The following ELOVL6 variants were observed in gnomAD, a reference collection of about 807,000 sequenced individuals.
ELOVL6 encodes ELOVL fatty acid elongase 6.
ELOVL6 carries 8 observed loss-of-function variants against 31.7 expected under a neutral mutation model. The ratio of observed to expected loss-of-function variants is 0.25; its 90% CI spans 0.15 to 0.45. The LOEUF is 0.45. Among genes scored for constraint, ELOVL6 ranks in the 20% least tolerant of loss-of-function variants. The pLI, the probability that ELOVL6 is intolerant of heterozygous loss-of-function variation, is 1.00. For synonymous variants in ELOVL6, 101 were observed against 117.7 expected (o/e 0.86, Z 0.92); for missense variants, 126 against 326.4 (o/e 0.39, Z 4.73).
At chr4:110,108,401 C>G (rs754375271) in intron 1 of ELOVL6, among the ~76,000 whole-genome samples, 18 of 152,136 alleles carry the variant, frequency 1.2e-4, no homozygotes, top group Middle Eastern at 3.4e-3. Flanking sequence ...AAAAATCTTC[C>G]CTATGTATTT....
At chr4:110,158,657 A>ATATATATATATATATATCTATATTT in intron 1 of ELOVL6, among the ~76,000 whole-genome samples, 1 of 74,162 alleles carries the variant, frequency 1.3e-5, no homozygotes, top group Non-Finnish European at 2.3e-5. Flanking sequence ...ATATATATAT[A>ATATATATATATATATATCTATATTT]TTTTTTTTTT....
chr4:110,178,393 T>C (rs900928357), intron 1 of ELOVL6, among the ~76,000 whole-genome samples: 1 of 151,656 alleles, frequency 6.6e-6, no homozygotes, highest in African/African-American at 2.4e-5. Context: ...TAAAAAAAAA[T>C]TAGCCGAGTG....
chr4:110,158,027 G>A (rs191759488), intron 1 of ELOVL6, among the ~76,000 whole-genome samples: 2 of 152,196 alleles, frequency 1.3e-5, no homozygotes, highest in Admixed American at 1.3e-4. Flanking sequence ...ATAAACCAAA[G>A]TTCATGGATA....
intron 1 of ELOVL6, among the ~76,000 whole-genome samples, chr4:110,139,113 G>C (rs1757885011): frequency 6.6e-6 from 1 of 151,892 alleles, no homozygotes; most frequent in African/African-American, 2.4e-5. Flanking sequence ...GGTATTATGG[G>C]GGATTAGCAT....
intron 1 of ELOVL6, among the ~76,000 whole-genome samples, chr4:110,121,036 G>T (rs1757343368): frequency 6.6e-6 from 1 of 151,984 alleles, no homozygotes; most frequent in Non-Finnish European, 1.5e-5. Context: ...CCTGACCTCA[G>T]GTGATCCACC....
intron 1 of ELOVL6, among the ~76,000 whole-genome samples, chr4:110,179,320 C>T (rs1264427018): frequency 6.6e-6 from 1 of 151,850 alleles, no homozygotes; most frequent in African/African-American, 2.4e-5. Context: ...GCCTGGCCAA[C>T]ATGGTGAAAC....
At chr4:110,175,581 C>T (rs112816414) in intron 1 of ELOVL6, among the ~76,000 whole-genome samples, 1,698 of 152,254 alleles carry the variant, frequency 0.011, 16 homozygotes, top group Non-Finnish European at 0.018. Context: ...TATATTAACT[C>T]ATTTAATCAA....
At chr4:110,070,107 T>C (rs1248011329) in intron 2 of ELOVL6, among the ~76,000 whole-genome samples, 2 of 152,220 alleles carry the variant, frequency 1.3e-5, no homozygotes, top group Non-Finnish European at 2.9e-5. Flanking sequence ...TATGCTTTCT[T>C]CCCTTGCCTT....
intron 1 of ELOVL6, among the ~76,000 whole-genome samples, chr4:110,107,576 T>C (rs10027629): frequency 0.18 from 27,930 of 152,164 alleles, 3,247 homozygotes; most frequent in East Asian, 0.41. Context: ...CTTTAACTAT[T>C]GGACATTTCA....
rs575275791 is a variant in ELOVL6, at chr4:110,196,465, G to A, written c.89+1782C>T. 6.6e-5 allele frequency among the ~76,000 whole-genome samples: 10 copies of A among 152,210 alleles called. No individual in the cohort carries two copies. The East Asian group carries it at 1.9e-3, about 29-fold the overall frequency. The stretch of plus-strand genomic sequence containing the variant: ...CAGCACCACCCCCTAAGCGGGAGGA[G>A]GAAGTGCATCCAGAGAAGGACCCCG... On this transcript the variant is annotated intron_variant, in intron 1 of 3. Transcript: ENST00000302274.
intron 1 of ELOVL6, 172 bp downstream of exon 1, chr4:110,198,074 AC>A (rs10572708): frequency 0.024 from 10,238 of 428,950 alleles, 268 homozygotes; most frequent in African/African-American, 0.1. Context: ...CGCTTCATGT[AC>A]CCCCCCCCCC....
chr4:110,052,949 ATT>A (rs995892359), intron 3 of ELOVL6, among the ~76,000 whole-genome samples: 19 of 152,072 alleles, frequency 1.2e-4, no homozygotes, highest in Admixed American at 1.3e-4. Flanking sequence ...GGTTCTTTTA[ATT>A]TTTTGTTTGT....
In ELOVL6 at chr4:110,087,412, T is replaced by C. The variant is rs112375029; in HGVS notation, c.221+18085A>G. On this transcript the variant is annotated intron_variant, in intron 2 of 3. Transcript: ENST00000302274. ...GGAAATTACTGCTTTAGAAATACTT[T>C]TTATAAAATTCAATCACTATTCTTG... Among the ~76,000 whole-genome samples, 632 of 152,304 alleles carry C rather than the reference T, an allele frequency of 4.1e-3. 2 individuals carry two copies. The highest frequency in any genetic ancestry group is 0.014 in the African/African-American group (582 of 41,564).
rs1348189144 is a variant in ELOVL6, at chr4:110,051,472, G to C, written c.664C>G (p.His222Asp). Residue 222 changes from histidine to aspartate, a missense_variant, in exon 4 of 4, where the codon CAT becomes GAT. Transcript: ENST00000302274. The surrounding 1 kb of genome is among the most constrained non-coding windows in gnomAD (Gnocchi z 4.8). ...TGAAAGTGAGAGTGACACTGGTCAT[G>C]CTGCATCCAGCAGAAGACCAGGTAG... Reference protein sequence around the residue: ...VNYLVFCWMQHDQCHSHFQNI... With the variant: ...VNYLVFCWMQDDQCHSHFQNI... 6.2e-7 allele frequency: 1 copy of C among 1,614,094 alleles called. No individual in the cohort carries two copies. The highest frequency in any genetic ancestry group is 8.5e-7 in the Non-Finnish European group (1 of 1,180,030).
intron 2 of ELOVL6, among the ~76,000 whole-genome samples, chr4:110,075,366 C>T (rs1441245217): frequency 2.6e-5 from 4 of 151,952 alleles, no homozygotes; most frequent in Non-Finnish European, 4.4e-5. Context: ...ATGAAAGCAA[C>T]CTAAATGTAT....
chr4:110,099,126 C>T (rs1482010706), intron 2 of ELOVL6, among the ~76,000 whole-genome samples: 1 of 151,996 alleles, frequency 6.6e-6, no homozygotes, highest in African/African-American at 2.4e-5. Flanking sequence ...TTATTATATA[C>T]TTGTTGGCTT....
At chr4:110,184,468 G>A (rs1389430776) in intron 1 of ELOVL6, among the ~76,000 whole-genome samples, 2 of 152,196 alleles carry the variant, frequency 1.3e-5, no homozygotes, top group African/African-American at 4.8e-5. Context: ...CTGGACAAGG[G>A]CTGCTTCTAG....
chr4:110,067,590 T>A (rs1755340829), intron 2 of ELOVL6, among the ~76,000 whole-genome samples: 1 of 152,154 alleles, frequency 6.6e-6, no homozygotes, highest in East Asian at 1.9e-4. Flanking sequence ...AGAAATGTCC[T>A]CTGACATGAA....
At chr4:110,119,345 A>G (rs1244243315) in intron 1 of ELOVL6, among the ~76,000 whole-genome samples, 2 of 152,220 alleles carry the variant, frequency 1.3e-5, no homozygotes, top group Non-Finnish European at 2.9e-5. Flanking sequence ...AAGTATATCA[A>G]TTGAGATGGA....
Sources: allele counts gnomAD v4.1 joint callset (sites outside exome capture counted in the v4.1 genomes callset), GRCh38; gene constraint gnomAD v4.1.1; non-coding constraint Gnocchi (gnomAD v3.1); transcripts MANE v1.5; gene names NCBI Gene and HGNC (gene_info 2026-07-23, HGNC 2026-07-21).